STX8: variants seen among roughly 807,000 people sequenced by gnomAD.
The protein encoded by STX8 is syntaxin 8.
In STX8, 23 loss-of-function variants were observed where a neutral mutation model predicts 37.5. That is an observed-to-expected ratio of 0.61 (90% CI 0.44 to 0.87). The LOEUF (loss-of-function observed/expected upper bound fraction) is 0.87. Among genes scored for constraint, STX8 ranks in the 40% least tolerant of loss-of-function variants. The pLI is 0.00. For synonymous variants in STX8, 115 were observed against 99.1 expected (o/e 1.16, Z -0.95); for missense variants, 313 against 284.7 (o/e 1.10, Z -0.71).
chr17:9,263,402 C>T (rs560386677), intron 7 of STX8, among the ~76,000 whole-genome samples: 1 of 151,398 alleles, frequency 6.6e-6, no homozygotes, highest in South Asian at 2.1e-4. Flanking sequence ...TCGCTTGAAC[C>T]TGGGAGGCGG....
Position 9,442,732 on chromosome 17 carries a change from G to C in STX8, c.541+49097C>G, listed in dbSNP as rs1904712507. Among the ~76,000 whole-genome samples the C allele has an allele frequency of 3.3e-5, 5 of 152,236 alleles. No homozygotes were observed. The South Asian group carries it at 1.0e-3, about 32-fold the overall frequency. On this transcript the variant is annotated intron_variant, in intron 6 of 7. Transcript: ENST00000306357. ...CTGTATCTTCTTTATTGAAACTTTA[G>C]TGGTCACCTTGGAGCAAAAGAAGTG...
intron 7 of STX8, among the ~76,000 whole-genome samples, chr17:9,323,561 AACGGTGGGATC>A (rs1364367270): frequency 3.3e-5 from 5 of 152,300 alleles, no homozygotes; most frequent in Admixed American, 1.3e-4. Flanking sequence ...CAATCAGAAG[AACGGTGGGATC>A]ACGGTGGGAT....
intron 4 of STX8, among the ~76,000 whole-genome samples, chr17:9,529,590 G>A (rs1905729483): frequency 6.6e-6 from 1 of 152,048 alleles, no homozygotes; most frequent in Non-Finnish European, 1.5e-5. Flanking sequence ...TCCCCCAAAG[G>A]GAACCGCTTT....
chr17:9,527,185 C>CAAAAAAAA lies in STX8; in HGVS notation c.323+17979_323+17986dup, dbSNP rs61665330. 1.2e-3 allele frequency among the ~76,000 whole-genome samples: 58 copies of CAAAAAAAA among 49,630 alleles called. 22 individuals carry two copies. Among genetic ancestry groups the CAAAAAAAA allele is most frequent in the Middle Eastern group, 0.019 (1 of 54 alleles). 32.6% of individuals were successfully genotyped at this position (49,630 alleles called of 152,430 possible). ...TGGGCGACAGAGCGAGACTCCGTCTCAAAAAAAAAAAAAAAAAAGAGGCTG... is the reference window on the plus strand; with the variant it reads ...TGGGCGACAGAGCGAGACTCCGTCTCAAAAAAAAAAAAAAAAAAAAAAAAAAGAGGCTG... On this transcript the variant is annotated intron_variant, in intron 4 of 7. Coordinates refer to ENST00000306357, the MANE Select transcript of STX8 (RefSeq NM_004853.3).
intron 7 of STX8, among the ~76,000 whole-genome samples, chr17:9,264,524 C>CA (rs1907161573): frequency 1.3e-5 from 2 of 152,014 alleles, no homozygotes; most frequent in South Asian, 4.2e-4. Flanking sequence ...GGGCTGGTCT[C>CA]AAACTCCTGG....
At chr17:9,554,343 T>G (rs1182700054) in intron 3 of STX8, 1 of 152,378 alleles carries the variant, frequency 6.6e-6, no homozygotes, top group Non-Finnish European at 1.5e-5. Flanking sequence ...TCCAACTTCA[T>G]CAGTGACTTT....
intron 4 of STX8, among the ~76,000 whole-genome samples, chr17:9,539,955 A>G (rs954630957): frequency 6.6e-6 from 1 of 152,228 alleles, no homozygotes; most frequent in African/African-American, 2.4e-5. Flanking sequence ...ATTGTAATTG[A>G]ACATGTCATA....
chr17:9,252,811 G>A (rs556101450), intron 7 of STX8, among the ~76,000 whole-genome samples: 1 of 152,210 alleles, frequency 6.6e-6, no homozygotes, highest in South Asian at 2.1e-4. Flanking sequence ...TCTACCTCAA[G>A]GCTCTGCCAA....
intron 3 of STX8, among the ~76,000 whole-genome samples, chr17:9,546,820 A>T (rs1906547097): frequency 6.6e-6 from 1 of 150,622 alleles, no homozygotes; most frequent in Non-Finnish European, 1.5e-5. Context: ...GATGGTCTCG[A>T]TCTCTTGACC....
intron 6 of STX8, among the ~76,000 whole-genome samples, chr17:9,422,812 C>T (rs964281442): frequency 5.9e-5 from 9 of 152,230 alleles, no homozygotes; most frequent in African/African-American, 1.4e-4. Flanking sequence ...CTAGTTTATA[C>T]CATCTACCTT....
At chr17:9,384,794 T>G (rs1023187981) in intron 6 of STX8, among the ~76,000 whole-genome samples, 4 of 147,656 alleles carry the variant, frequency 2.7e-5, no homozygotes, top group East Asian at 2.0e-4. Flanking sequence ...CCAGATAGAC[T>G]TGTGTGTGTG....
At chr17:9,289,578 C>A (rs188704003) in intron 7 of STX8, among the ~76,000 whole-genome samples, 73 of 150,002 alleles carry the variant, frequency 4.9e-4, no homozygotes, top group African/African-American at 1.7e-3. Context: ...GGGGAAAATC[C>A]ATCCTGGCTA....
At chr17:9,324,803 A>G (rs1219160889) in intron 7 of STX8, among the ~76,000 whole-genome samples, 1 of 151,042 alleles carries the variant, frequency 6.6e-6, no homozygotes, top group Non-Finnish European at 1.5e-5. Flanking sequence ...GAGCTGGGTC[A>G]GCATCACAGC....
intron 6 of STX8, among the ~76,000 whole-genome samples, chr17:9,403,616 G>C (rs546064901): frequency 6.6e-6 from 1 of 151,918 alleles, no homozygotes; most frequent in Admixed American, 6.6e-5. Context: ...TTATGGTGCC[G>C]ACACCCAGCA....
chr17:9,433,714 G>C (rs1004531061), intron 6 of STX8, among the ~76,000 whole-genome samples: 6 of 152,022 alleles, frequency 3.9e-5, no homozygotes, highest in Non-Finnish European at 7.4e-5. Flanking sequence ...ACGGGGGAAG[G>C]GAGGGTGGGA....
chr17:9,422,426 C>T (rs1378922111), intron 6 of STX8, among the ~76,000 whole-genome samples: 1 of 152,174 alleles, frequency 6.6e-6, no homozygotes, highest in African/African-American at 2.4e-5. Context: ...TCAGGTAGTT[C>T]TTTACAGCAT....
intron 7 of STX8, among the ~76,000 whole-genome samples, chr17:9,346,516 A>G (rs1407989518): frequency 1.3e-5 from 2 of 152,194 alleles, no homozygotes; most frequent in Admixed American, 6.5e-5. Flanking sequence ...ACAAACCACT[A>G]ACCCTGGTCA....
chr17:9,517,025 A>G (rs1238927868), intron 4 of STX8, among the ~76,000 whole-genome samples: 1 of 152,180 alleles, frequency 6.6e-6, no homozygotes, highest in African/African-American at 2.4e-5. Flanking sequence ...ATTCTTTTTA[A>G]TCCTGCAAAA....
rs1412307549 is a variant in STX8, at chr17:9,260,244, G to A, written c.644-9599C>T. 3.9e-5 allele frequency among the ~76,000 whole-genome samples: 6 copies of A among 152,156 alleles called. No homozygotes were observed. The South Asian group carries it at 1.2e-3, about 32-fold the overall frequency. ...AGGCTGTGGTGGGAGGACTGCTGGA[G>A]CCCAGGAGTTCGAGGCTGCAGTGAG... On this transcript the variant is annotated intron_variant, in intron 7 of 7. Coordinates refer to ENST00000306357, the MANE Select transcript of STX8 (RefSeq NM_004853.3).
Sources: allele counts gnomAD v4.1 joint callset (sites outside exome capture counted in the v4.1 genomes callset), GRCh38; gene constraint gnomAD v4.1.1; transcripts MANE v1.5; gene names NCBI Gene and HGNC (gene_info 2026-07-23, HGNC 2026-07-21).